RNF220: variants seen among roughly 807,000 people sequenced by gnomAD.
RNF220 encodes E3 ubiquitin-protein ligase RNF220.
A neutral mutation model predicts 67.1 loss-of-function variants in RNF220; 7 were observed. The ratio of observed to expected loss-of-function variants is 0.10; its 90% CI spans 0.06 to 0.20. The LOEUF is 0.20. RNF220 is among the 10% of genes least tolerant of loss of function. The pLI is 1.00. For synonymous variants in RNF220, 270 were observed against 283.2 expected, an observed-to-expected ratio of 0.95 and a Z score of 0.47; for missense variants, 565 against 740.3, an observed-to-expected ratio of 0.76 and a Z score of 2.75.
At chr1:44,548,105 C>T (rs1662318629) in intron 2 of RNF220, among the ~76,000 whole-genome samples, 1 of 152,192 alleles carries the variant, frequency 6.6e-6, no homozygotes, top group African/African-American at 2.4e-5. Context: ...TCACATCCCC[C>T]ATGTCTCGTT....
chr1:44,450,494 T>C (rs1652558818), intron 2 of RNF220, among the ~76,000 whole-genome samples: 1 of 152,264 alleles, frequency 6.6e-6, no homozygotes, highest in African/African-American at 2.4e-5. Flanking sequence ...TTGAAGACCT[T>C]TTCTATTTAT....
chr1:44,513,298 G>T (rs996857354), intron 2 of RNF220, among the ~76,000 whole-genome samples: 1 of 152,162 alleles, frequency 6.6e-6, no homozygotes, highest in African/African-American at 2.4e-5. Context: ...AGGGTGTGGC[G>T]TCCCTGGGGT....
At chr1:44,498,552 G>A (rs1474726854) in intron 2 of RNF220, among the ~76,000 whole-genome samples, 2 of 152,144 alleles carry the variant, frequency 1.3e-5, no homozygotes, top group African/African-American at 4.8e-5. Context: ...TGGAGCGCAG[G>A]CTCACAACTG....
chr1:44,628,461 A>G (rs1002926373), intron 5 of RNF220, among the ~76,000 whole-genome samples: 2 of 152,220 alleles, frequency 1.3e-5, no homozygotes, highest in Non-Finnish European at 2.9e-5. Context: ...TCTAGATCCC[A>G]TCCCAATACC....
chr1:44,599,338 G>A (rs568558277), intron 2 of RNF220, among the ~76,000 whole-genome samples: 1 of 152,148 alleles, frequency 6.6e-6, no homozygotes, highest in African/African-American at 2.4e-5. Context: ...TAATTATTAG[G>A]GAAGGCTTCA....
chr1:44,469,323 T>C (rs2185500), intron 2 of RNF220, among the ~76,000 whole-genome samples: 47,676 of 151,936 alleles, frequency 0.31, 7,641 homozygotes, highest in Middle Eastern at 0.4. Flanking sequence ...TTCCTTCCAA[T>C]CCGTAGGGTC....
In RNF220 at chr1:44,649,355, A is replaced by C. The variant is rs1475658061; in HGVS notation, c.1446-306A>C. On this transcript the variant is annotated intron_variant, in intron 12 of 14. Coordinates refer to ENST00000361799, the MANE Select transcript of RNF220 (RefSeq NM_018150.4). The surrounding 1 kb of genome is among the most constrained non-coding windows in gnomAD (Gnocchi z 5.9). ...AGCCTGGACTCATGGTGGTGAGGAG[A>C]GATGCCGGAGATACTAGGAGAGATG... 9.4e-6 allele frequency: 4 copies of C among 424,908 alleles called. No individual in the cohort carries two copies. The highest frequency in any genetic ancestry group is 8.1e-5 in the African/African-American group (4 of 49,286). 26.3% of individuals were successfully genotyped at this position (424,908 alleles called of 1,614,324 possible). A position where few individuals can be genotyped will look rare whatever the true frequency, so the allele number is the denominator to read the frequency against.
intron 2 of RNF220, among the ~76,000 whole-genome samples, chr1:44,465,031 A>G (rs759457842): frequency 8.5e-5 from 13 of 152,230 alleles, no homozygotes; most frequent in Non-Finnish European, 1.9e-4. Context: ...TTGAATCTCC[A>G]GCACCTTACA....
chr1:44,651,690 A>G lies in RNF220; in HGVS notation c.*915A>G, dbSNP rs1259888766. On this transcript the variant is annotated 3_prime_UTR_variant, in exon 15 of 15. Coordinates refer to ENST00000361799, the MANE Select transcript of RNF220 (RefSeq NM_018150.4). ...TACTTGTCCTTTCCCTTTGTAAACT[A>G]CATTTGACATGGATTAAACCAGTAT... is the stretch of plus-strand genomic sequence containing the variant. 1 of 152,128 alleles carries G rather than the reference A, an allele frequency of 6.6e-6. No individual in the cohort carries two copies. Among genetic ancestry groups the G allele is most frequent in the African/African-American group, 2.4e-5 (1 of 41,320 alleles). 9.4% of individuals were successfully genotyped at this position (152,128 alleles called of 1,614,324 possible).
At chr1:44,576,587 A>G (rs1664821374) in intron 2 of RNF220, among the ~76,000 whole-genome samples, 1 of 152,102 alleles carries the variant, frequency 6.6e-6, no homozygotes, top group Admixed American at 6.5e-5. Flanking sequence ...CAGCCCAGCC[A>G]GGACAGGATG....
intron 2 of RNF220, among the ~76,000 whole-genome samples, chr1:44,563,473 G>A (rs6667567): frequency 2.6e-5 from 4 of 151,536 alleles, no homozygotes; most frequent in Admixed American, 2.6e-4. Flanking sequence ...GGGGCCAGAT[G>A]AACGGGAAGA....
chr1:44,606,722 A>G lies in RNF220; in HGVS notation c.626-7443A>G, dbSNP rs1256246249. ...TCTTCCTAGTGTATTCTCTCTCCCT[A>G]GGTGATCTTGCCTACTCTGAACTTC... On this transcript the variant is annotated intron_variant, in intron 2 of 14. Coordinates refer to ENST00000361799, the MANE Select transcript of RNF220 (RefSeq NM_018150.4). The surrounding 1 kb of genome is among the most constrained non-coding windows in gnomAD (Gnocchi z 4.2). Among the ~76,000 whole-genome samples the G allele has an allele frequency of 6.6e-6, 1 of 152,180 alleles. No homozygotes were observed. The highest frequency in any genetic ancestry group is 1.5e-5 in the Non-Finnish European group (1 of 68,030).
At chr1:44,552,007 G>A (rs1401929344) in intron 2 of RNF220, among the ~76,000 whole-genome samples, 1 of 152,236 alleles carries the variant, frequency 6.6e-6, no homozygotes, top group Admixed American at 6.5e-5. Context: ...TGTGCCAGTG[G>A]AAGCCATTGC....
intron 2 of RNF220, among the ~76,000 whole-genome samples, chr1:44,542,220 CTG>C (rs1186588987): frequency 6.6e-6 from 1 of 152,234 alleles, no homozygotes; most frequent in Non-Finnish European, 1.5e-5. Context: ...TTCCATTGAG[CTG>C]TGACTTCCTA....
At chr1:44,433,988 C>T (rs544131158) in intron 2 of RNF220, among the ~76,000 whole-genome samples, 41 of 152,022 alleles carry the variant, frequency 2.7e-4, no homozygotes, top group African/African-American at 9.6e-4. Context: ...TAAAATAAAA[C>T]ATATTTTTAA....
chr1:44,611,086 T>C (rs1044851921), intron 2 of RNF220, among the ~76,000 whole-genome samples: 2 of 152,126 alleles, frequency 1.3e-5, no homozygotes, highest in African/African-American at 4.8e-5. Flanking sequence ...CAGGTCTCAA[T>C]ATAAAATTAT....
chr1:44,618,740 G>A (rs1643665383), intron 3 of RNF220, among the ~76,000 whole-genome samples: 1 of 152,174 alleles, frequency 6.6e-6, no homozygotes, highest in African/African-American at 2.4e-5. Context: ...AGTGTGGGTT[G>A]GGGGAAGAAA....
At chr1:44,640,967 A>T (rs1039954483) in intron 8 of RNF220, among the ~76,000 whole-genome samples, 3 of 152,204 alleles carry the variant, frequency 2.0e-5, no homozygotes, top group Non-Finnish European at 4.4e-5. Flanking sequence ...TTCAGGTTCC[A>T]GGACGATACT....
At chr1:44,578,726 A>T (rs1665011268) in intron 2 of RNF220, among the ~76,000 whole-genome samples, 1 of 152,226 alleles carries the variant, frequency 6.6e-6, no homozygotes, top group African/African-American at 2.4e-5. Context: ...AGACCCTGAT[A>T]GTTTGCCAAG....
Sources: allele counts gnomAD v4.1 joint callset (sites outside exome capture counted in the v4.1 genomes callset), GRCh38; gene constraint gnomAD v4.1.1; non-coding constraint Gnocchi (gnomAD v3.1); transcripts MANE v1.5; gene names NCBI Gene and HGNC (gene_info 2026-07-23, HGNC 2026-07-21).